Variants in SLIT1 observed in about 807,000 individuals in gnomAD.
SLIT1 encodes the protein slit guidance ligand 1.
In SLIT1, 66 loss-of-function variants were observed where a neutral mutation model predicts 186.1. The ratio of observed to expected loss-of-function variants is 0.35; its 90% CI spans 0.29 to 0.44. The LOEUF is 0.44. Among genes scored for constraint, SLIT1 ranks in the 20% least tolerant of loss-of-function variants. The pLI is 1.00. For synonymous variants in SLIT1, 761 were observed against 833.8 expected, an observed-to-expected ratio of 0.91 and a Z score of 1.50; for missense variants, 1,638 against 2,037.4, an observed-to-expected ratio of 0.80 and a Z score of 3.77.
intron 25 of SLIT1, among the ~76,000 whole-genome samples, chr10:97,025,778 A>G (rs1406847529): frequency 6.6e-6 from 1 of 152,228 alleles, no homozygotes; most frequent in Non-Finnish European, 1.5e-5. Context: ...GTTCATGCCA[A>G]GGCCCTACCC....
intron 10 of SLIT1, 116 bp downstream of exon 10, chr10:97,059,971 G>T: frequency 1.1e-6 from 1 of 900,594 alleles, no homozygotes; most frequent in Non-Finnish European, 1.9e-6. Context: ...CAGGTGGCTG[G>T]CCAAGGCCAC....
intron 4 of SLIT1, among the ~76,000 whole-genome samples, chr10:97,132,854 C>T (rs1377209660): frequency 6.6e-6 from 1 of 152,162 alleles, no homozygotes; most frequent in Non-Finnish European, 1.5e-5. Flanking sequence ...TGGATGGAGG[C>T]CTTCTTCACA....
chr10:97,174,385 C>T (rs1020934017), intron 1 of SLIT1, among the ~76,000 whole-genome samples: 1 of 152,330 alleles, frequency 6.6e-6, no homozygotes, highest in South Asian at 2.1e-4. Flanking sequence ...CACGCACTCC[C>T]GTCAGCCAGC....
Position 97,010,033 on chromosome 10 carries a change from C to G in SLIT1, c.3341+960G>C, listed in dbSNP as rs770725495. Among the ~76,000 whole-genome samples, 1 of 152,138 alleles carries G rather than the reference C, an allele frequency of 6.6e-6. No homozygotes were observed. Among genetic ancestry groups the G allele is most frequent in the Non-Finnish European group, 1.5e-5 (1 of 68,026 alleles). ...AACAGTTAAACATACAGTTAACATA[C>G]GACTCAGAAAATCCACTCCTACGCA... On this transcript the variant is annotated intron_variant, in intron 31 of 36. Coordinates refer to ENST00000266058, the MANE Select transcript of SLIT1 (RefSeq NM_003061.3). This position sits in a 1 kb window ranked among gnomAD's most constrained non-coding sequence, Gnocchi z 4.8.
Position 97,006,755 on chromosome 10 carries a change from G to A in SLIT1, c.3342-35C>T. ...AAGGACATAAGTCAGAGAGGGCCAA[G>A]GAGGAAGGGAGTATCTTCCTCTCCC... On this transcript the variant is annotated intron_variant, in intron 31 of 36. Transcript: ENST00000266058. This position sits in a 1 kb window ranked among gnomAD's most constrained non-coding sequence, Gnocchi z 4.0. The A allele has an allele frequency of 7.0e-7, 1 of 1,421,884 alleles. No homozygotes were observed. The highest frequency in any genetic ancestry group is 9.9e-7 in the Non-Finnish European group (1 of 1,007,966). The allele number at this position is 1,421,884 out of a possible 1,614,324, so 88.1% of individuals were successfully genotyped here.
chr10:97,150,224 C>T (rs1849862311), intron 4 of SLIT1, among the ~76,000 whole-genome samples: 1 of 152,172 alleles, frequency 6.6e-6, no homozygotes, highest in South Asian at 2.1e-4. Context: ...TGCAGTTCTG[C>T]TGCCTGGCAT....
intron 4 of SLIT1, among the ~76,000 whole-genome samples, chr10:97,097,510 G>A (rs905921687): frequency 1.3e-5 from 2 of 152,242 alleles, no homozygotes; most frequent in Non-Finnish European, 2.9e-5. Flanking sequence ...GCTTCTGTGG[G>A]AGGAAAAACT....
chr10:97,132,768 A>G (rs1589405610), intron 4 of SLIT1, among the ~76,000 whole-genome samples: 1 of 151,950 alleles, frequency 6.6e-6, no homozygotes, highest in Non-Finnish European at 1.5e-5. Flanking sequence ...GAGATATTAT[A>G]CCTTGTAGAC....
rs1199415094 is a variant in SLIT1, at chr10:97,018,597, A to G, written c.2958T>C (p.Asp986=). The G allele has an allele frequency of 2.1e-5, 34 of 1,583,630 alleles. No individual in the cohort carries two copies. Among genetic ancestry groups the G allele is most frequent in the Non-Finnish European group, 2.8e-5 (33 of 1,164,434 alleles). Residue 986 remains aspartate (D), a synonymous_variant, in exon 28 of 37, where the codon GAT becomes GAC. Coordinates refer to ENST00000266058, the MANE Select transcript of SLIT1 (RefSeq NM_003061.3). ...TCCAGGTAACTCACGTGAACGGGGC[A>G]TCCTCGCCCTCCTGTGCATGGCAGG... ...GGTCHAQEGE[D]APFTCSCPTG...
At chr10:97,131,358 T>C (rs780694111) in intron 4 of SLIT1, among the ~76,000 whole-genome samples, 31 of 152,378 alleles carry the variant, frequency 2.0e-4, no homozygotes, top group Admixed American at 9.8e-4. Flanking sequence ...TGACAGCCTC[T>C]GGTGGATGTG....
chr10:97,132,737 G>A (rs1036326987), intron 4 of SLIT1, among the ~76,000 whole-genome samples: 3 of 152,330 alleles, frequency 2.0e-5, no homozygotes, highest in East Asian at 3.9e-4. Flanking sequence ...GTGCCAGGAC[G>A]CTGGAGTTTC....
chr10:97,081,043 G>A (rs1325555112), intron 4 of SLIT1, among the ~76,000 whole-genome samples: 1 of 152,200 alleles, frequency 6.6e-6, no homozygotes, highest in African/African-American at 2.4e-5. Flanking sequence ...CTACGCAACA[G>A]GCAGGCCACC....
rs1293959801 is a variant in SLIT1, at chr10:97,010,647, A to C, written c.3341+346T>G. On this transcript the variant is annotated intron_variant, in intron 31 of 36. Transcript: ENST00000266058. This position sits in a 1 kb window ranked among gnomAD's most constrained non-coding sequence, Gnocchi z 4.8. ...TGGCCAGAGGGAGGGTGGGCCCTCC[A>C]ACCTCCCAGGGGAGCCCAGTGGGCT... is the stretch of plus-strand genomic sequence containing the variant. 1.3e-5 allele frequency among the ~76,000 whole-genome samples: 2 copies of C among 152,236 alleles called. No homozygotes were observed. Among genetic ancestry groups the C allele is most frequent in the African/African-American group, 4.8e-5 (2 of 41,468 alleles).
chr10:97,018,817 C>CA (rs1848477389), intron 27 of SLIT1, 134 bp from the exon 28 acceptor site: 2 of 646,364 alleles, frequency 3.1e-6, no homozygotes, highest in South Asian at 3.8e-5. Context: ...CATTCGTCCA[C>CA]TTCATTCATT....
intron 13 of SLIT1, among the ~76,000 whole-genome samples, chr10:97,054,978 G>A (rs1159712986): frequency 5.9e-5 from 9 of 152,174 alleles, no homozygotes; most frequent in Non-Finnish European, 1.3e-4. Flanking sequence ...AGCACTTTGG[G>A]AGGCCGAGGC....
intron 13 of SLIT1, among the ~76,000 whole-genome samples, chr10:97,050,471 A>G (rs2134628850): frequency 6.6e-6 from 1 of 151,978 alleles, no homozygotes; most frequent in South Asian, 2.1e-4. Context: ...CCTATTTCCC[A>G]CCTGAGTTCT....
At chr10:97,098,092 T>A (rs1320823132) in intron 4 of SLIT1, among the ~76,000 whole-genome samples, 1 of 152,210 alleles carries the variant, frequency 6.6e-6, no homozygotes, top group Non-Finnish European at 1.5e-5. Flanking sequence ...CCTTGAACCA[T>A]CATAGCTGGA....
intron 25 of SLIT1, among the ~76,000 whole-genome samples, chr10:97,024,549 CG>C (rs1333835406): frequency 1.3e-5 from 2 of 152,038 alleles, no homozygotes; most frequent in Non-Finnish European, 2.9e-5. Flanking sequence ...TCCTGGCTAA[CG>C]GGATGGGTGA....
chr10:97,049,994 G>A (rs1848773362), intron 13 of SLIT1, among the ~76,000 whole-genome samples: 1 of 152,190 alleles, frequency 6.6e-6, no homozygotes, highest in South Asian at 2.1e-4. Context: ...GGCATGCCCT[G>A]CTCATGGCTG....
Sources: allele counts gnomAD v4.1 joint callset (sites outside exome capture counted in the v4.1 genomes callset), GRCh38; gene constraint gnomAD v4.1.1; non-coding constraint Gnocchi (gnomAD v3.1); transcripts MANE v1.5; gene names NCBI Gene and HGNC (gene_info 2026-07-23, HGNC 2026-07-21).